TMCC1: variants seen among roughly 807,000 people sequenced by gnomAD.
The protein encoded by TMCC1 is transmembrane and coiled-coil domain family 1, also known as transmembrane and coiled-coil domains protein 1.
TMCC1 carries 15 observed loss-of-function variants against 52.4 expected under a neutral mutation model. The observed-to-expected ratio is 0.29, with a 90% CI of 0.19 to 0.44. TMCC1 has a LOEUF of 0.44. Ranked by LOEUF, TMCC1 falls within the 20% of genes least tolerant of loss-of-function variation. TMCC1 has a pLI of 1.00. For missense variants in TMCC1, 503 were observed against 806.0 expected, an observed-to-expected ratio of 0.62 and a Z score of 4.55; for synonymous variants, 279 against 301.9, an observed-to-expected ratio of 0.92 and a Z score of 0.79.
Position 129,652,884 on chromosome 3 carries a change from T to C in TMCC1, c.1648-1089A>G, listed in dbSNP as rs373475021. ...ATTTTACCTACAATTCCTGTCTCCC[T>C]GAAATGTATAAAGCCAAACTGTAAC... On this transcript the variant is annotated intron_variant, in intron 6 of 6. Coordinates refer to ENST00000393238, the MANE Select transcript of TMCC1 (RefSeq NM_001017395.5). Among the ~76,000 whole-genome samples, 26 of 152,352 alleles carry C rather than the reference T, an allele frequency of 1.7e-4. No homozygotes were observed. The East Asian group carries it at 2.1e-3, about 12-fold the overall frequency.
At chr3:129,689,430 TTACAAAA>T (rs1442430302) in intron 4 of TMCC1, among the ~76,000 whole-genome samples, 2 of 152,210 alleles carry the variant, frequency 1.3e-5, no homozygotes, top group East Asian at 3.8e-4. Flanking sequence ...ATTTAAATGA[TTACAAAA>T]TATAGTGTGG....
chr3:129,815,088 T>C (rs1321581516), intron 4 of TMCC1, among the ~76,000 whole-genome samples: 2 of 152,068 alleles, frequency 1.3e-5, no homozygotes, highest in Non-Finnish European at 1.5e-5. Flanking sequence ...CTTCACCCAA[T>C]TGCTGCAGAA....
rs531408203 is a variant in TMCC1 at position 129,744,622 on chromosome 3, C to T, written c.577-73358G>A. Among the ~76,000 whole-genome samples the T allele has an allele frequency of 1.7e-3, 252 of 152,284 alleles. 1 individual carries two copies. The highest frequency in any genetic ancestry group is 3.4e-3 in the Middle Eastern group (1 of 294). Reference sequence around the variant, plus strand: ...CTTTCTAAAGAAAATAGCATGCATACACACACATATATCACCTTCCTTATC... The same window carrying T: ...CTTTCTAAAGAAAATAGCATGCATATACACACATATATCACCTTCCTTATC... On this transcript the variant is annotated intron_variant, in intron 4 of 6. Coordinates refer to ENST00000393238, the MANE Select transcript of TMCC1 (RefSeq NM_001017395.5).
In TMCC1 at chr3:129,812,462, C is replaced by A. The variant is rs115804532; in HGVS notation, c.576+15341G>T. On this transcript the variant is annotated intron_variant, in intron 4 of 6. Transcript: ENST00000393238. ...GTACTCTGTAGGACTACAATCACAT[C>A]CACAATACTCAAATCAAATCTCTGG... is the stretch of plus-strand genomic sequence containing the variant. Among the ~76,000 whole-genome samples the A allele has an allele frequency of 2.8e-3, 422 of 151,932 alleles. 3 individuals carry two copies. The highest frequency in any genetic ancestry group is 9.5e-3 in the African/African-American group (396 of 41,474).
At chr3:129,748,912 G>A (rs940760584) in intron 4 of TMCC1, among the ~76,000 whole-genome samples, 1 of 151,960 alleles carries the variant, frequency 6.6e-6, no homozygotes, top group Non-Finnish European at 1.5e-5. Context: ...CTAAGTGCTT[G>A]AACCCGGGAG....
rs573019507 is a variant in TMCC1 at position 129,724,465 on chromosome 3, T to C, written c.577-53201A>G. Among the ~76,000 whole-genome samples, 11 of 152,358 alleles carry C rather than the reference T, an allele frequency of 7.2e-5. No homozygotes were observed. The South Asian group carries it at 1.4e-3, about 20-fold the overall frequency. ...TGATCTGTTCCTGGGCACTACGACCTAGCTGAAGAACCCCAAACCACCTCT... is the reference window on the plus strand; with the variant it reads ...TGATCTGTTCCTGGGCACTACGACCCAGCTGAAGAACCCCAAACCACCTCT... On this transcript the variant is annotated intron_variant, in intron 4 of 6. Transcript: ENST00000393238.
intron 4 of TMCC1, among the ~76,000 whole-genome samples, chr3:129,735,141 C>T (rs1278046638): frequency 6.6e-6 from 1 of 152,052 alleles, no homozygotes; most frequent in Non-Finnish European, 1.5e-5. Flanking sequence ...GACCTCATGA[C>T]CCGCCCGCCT....
At chr3:129,721,626 C>A (rs1024072897) in intron 4 of TMCC1, among the ~76,000 whole-genome samples, 1 of 149,992 alleles carries the variant, frequency 6.7e-6, no homozygotes, top group Admixed American at 6.7e-5. Flanking sequence ...TTTGGGAGGC[C>A]GAGGCAGGCA....
chr3:129,885,250 A>G (rs1354342662), intron 1 of TMCC1, among the ~76,000 whole-genome samples: 3 of 152,170 alleles, frequency 2.0e-5, no homozygotes, highest in Non-Finnish European at 4.4e-5. Flanking sequence ...CAAACTGGCA[A>G]AAGAAGAAAA....
chr3:129,840,833 C>T (rs1577051179), intron 2 of TMCC1, among the ~76,000 whole-genome samples: 1 of 152,200 alleles, frequency 6.6e-6, no homozygotes, highest in Admixed American at 6.5e-5. Flanking sequence ...TCTTTATAAA[C>T]TACCCAGTCT....
chr3:129,680,197 T>C (rs962459559), intron 4 of TMCC1, among the ~76,000 whole-genome samples: 1 of 152,228 alleles, frequency 6.6e-6, no homozygotes, highest in Non-Finnish European at 1.5e-5. Flanking sequence ...ACTACATGAA[T>C]ATTTCTACTC....
chr3:129,710,481 C>T (rs372183967), intron 4 of TMCC1, among the ~76,000 whole-genome samples: 6 of 152,104 alleles, frequency 3.9e-5, no homozygotes, highest in African/African-American at 7.2e-5. Flanking sequence ...ATTTTAAATA[C>T]GAGGAAAGTG....
intron 4 of TMCC1, among the ~76,000 whole-genome samples, chr3:129,745,967 C>T (rs576314371): frequency 4.6e-5 from 7 of 151,292 alleles, no homozygotes; most frequent in African/African-American, 9.7e-5. Flanking sequence ...TTGTTGCCCA[C>T]GCTGGTCTCA....
At chr3:129,829,848 T>C (rs1262073947) in intron 3 of TMCC1, among the ~76,000 whole-genome samples, 1 of 152,220 alleles carries the variant, frequency 6.6e-6, no homozygotes, top group African/African-American at 2.4e-5. Context: ...GCAAACTCAC[T>C]AAAGTTTTGT....
At chr3:129,792,201 T>TAC (rs1447516570) in intron 4 of TMCC1, among the ~76,000 whole-genome samples, 164 of 150,262 alleles carry the variant, frequency 1.1e-3, no homozygotes, top group African/African-American at 3.7e-3. Context: ...TATATATATA[T>TAC]ACACATATAT....
At chr3:129,708,535 T>C (rs988491107) in intron 4 of TMCC1, among the ~76,000 whole-genome samples, 2 of 152,236 alleles carry the variant, frequency 1.3e-5, no homozygotes, top group Admixed American at 6.5e-5. Context: ...AATCACATAA[T>C]GTGATGACCT....
chr3:129,806,045 A>C (rs1241402141), intron 4 of TMCC1, among the ~76,000 whole-genome samples: 2 of 152,200 alleles, frequency 1.3e-5, no homozygotes, highest in South Asian at 4.1e-4. Flanking sequence ...TGTAAGTGTC[A>C]TTTTCTTTTA....
intron 2 of TMCC1, chr3:129,860,962 G>C (rs1235344434): frequency 6.6e-6 from 1 of 152,090 alleles, no homozygotes; most frequent in African/African-American, 2.4e-5. Context: ...GGACTATTCA[G>C]GATTTGAACA....
chr3:129,852,399 G>A (rs2059953209), intron 2 of TMCC1, among the ~76,000 whole-genome samples: 2 of 144,892 alleles, frequency 1.4e-5, no homozygotes, highest in South Asian at 4.4e-4. Flanking sequence ...AGAGGTTGCA[G>A]TGAGCCAAGC....
Sources: allele counts gnomAD v4.1 joint callset (sites outside exome capture counted in the v4.1 genomes callset), GRCh38; gene constraint gnomAD v4.1.1; transcripts MANE v1.5; gene names NCBI Gene and HGNC (gene_info 2026-07-23, HGNC 2026-07-21).